LYRM4: variants seen among roughly 807,000 people sequenced by gnomAD.
The protein encoded by LYRM4 is LYR motif-containing protein 4.
Under a neutral mutation model 11.7 loss-of-function variants are expected in LYRM4, and 9 were observed. The observed-to-expected ratio is 0.77, with a 90% CI of 0.46 to 1.34. The LOEUF (loss-of-function observed/expected upper bound fraction) is 1.34. Ranked by LOEUF, LYRM4 falls within the 40% of genes most tolerant of loss-of-function variation. The pLI, the probability that LYRM4 is intolerant of heterozygous loss-of-function variation, is 0.00. For synonymous variants in LYRM4, 42 were observed against 40.4 expected (o/e 1.04, Z -0.15); for missense variants, 133 against 112.5 (o/e 1.18, Z -0.82).
intron 2 of LYRM4, chr6:5,186,574 T>TA (rs1760406593): frequency 1.0e-6 from 1 of 977,124 alleles, no homozygotes; most frequent in South Asian, 4.7e-5. Flanking sequence ...ACTAAACATT[T>TA]AAAAAATCTA....
At chr6:5,212,528 T>C (rs1010907584) in intron 2 of LYRM4, among the ~76,000 whole-genome samples, 2 of 152,220 alleles carry the variant, frequency 1.3e-5, no homozygotes, top group Admixed American at 6.5e-5. Context: ...ATAAAAGGCC[T>C]CTCAAATCTT....
intron 2 of LYRM4, among the ~76,000 whole-genome samples, chr6:5,182,557 G>C (rs1760138873): frequency 6.6e-6 from 1 of 152,174 alleles, no homozygotes; most frequent in Non-Finnish European, 1.5e-5. Context: ...AAGCCCTCTA[G>C]ATATTGAAAA....
chr6:5,039,776 G>A, the LYRM4 span, among the ~76,000 whole-genome samples: 2 of 151,992 alleles, frequency 1.3e-5, no homozygotes, highest in Admixed American at 6.6e-5. Flanking sequence ...TAAATGAGGT[G>A]AAAAGGACCA....
At chr6:5,055,859 C>T in the LYRM4 span, among the ~76,000 whole-genome samples, 9 of 152,198 alleles carry the variant, frequency 5.9e-5, no homozygotes, top group South Asian at 2.1e-4. This position sits in a 1 kb window ranked among gnomAD's most constrained non-coding sequence, Gnocchi z 4.5. Context: ...TTAAAAACCA[C>T]GTGCACCCTG....
At chr6:5,090,038 A>ACACACC in the LYRM4 span, among the ~76,000 whole-genome samples, 1,852 of 140,948 alleles carry the variant, frequency 0.013, 12 homozygotes, top group Middle Eastern at 0.026. This position sits in a 1 kb window ranked among gnomAD's most constrained non-coding sequence, Gnocchi z 4.8. Flanking sequence ...ACACACACAC[A>ACACACC]CACCACACAC....
chr6:5,178,596 C>T (rs988807821), intron 2 of LYRM4, among the ~76,000 whole-genome samples: 1 of 151,412 alleles, frequency 6.6e-6, no homozygotes, highest in Non-Finnish European at 1.5e-5. Context: ...GGTGGATTAG[C>T]TGAGGTCAGG....
the LYRM4 span, chr6:5,086,106 C>A: frequency 6.8e-7 from 1 of 1,462,026 alleles, no homozygotes; most frequent in Non-Finnish European, 9.0e-7. Flanking sequence ...CGGGGCCGAG[C>A]GCCGCGGCCG....
At chr6:5,106,088 C>T (rs11753298), downstream of LYRM4, 7,913 of 152,392 alleles carry the variant, frequency 0.052, 323 homozygotes, top group Non-Finnish European at 0.074. Flanking sequence ...GTAAATATCC[C>T]CTGGGGAGCC....
chr6:5,188,542 A>G (rs994091013), intron 2 of LYRM4, among the ~76,000 whole-genome samples: 4 of 152,218 alleles, frequency 2.6e-5, no homozygotes, highest in Admixed American at 6.5e-5. Context: ...TGATCATAAT[A>G]ATCATATCAA....
At chr6:5,253,771 C>T (rs182803627) in intron 1 of LYRM4, among the ~76,000 whole-genome samples, 11 of 150,430 alleles carry the variant, frequency 7.3e-5, no homozygotes, top group East Asian at 3.9e-4. Flanking sequence ...ATTCGATGGT[C>T]GTTCGATCTG....
chr6:5,077,191 C>T, the LYRM4 span, among the ~76,000 whole-genome samples: 1 of 152,216 alleles, frequency 6.6e-6, no homozygotes, highest in African/African-American at 2.4e-5. Context: ...GCCACGCCGT[C>T]TACTCCACCA....
At chr6:5,066,364 T>C in the LYRM4 span, 1 of 726,922 alleles carries the variant, frequency 1.4e-6, no homozygotes, top group Non-Finnish European at 2.6e-6. Flanking sequence ...CATATGCAGG[T>C]TTCCAAAGTG....
At chr6:5,077,561 T>C in the LYRM4 span, among the ~76,000 whole-genome samples, 7 of 152,172 alleles carry the variant, frequency 4.6e-5, no homozygotes, top group African/African-American at 1.4e-4. Flanking sequence ...ATGATGAGTA[T>C]TTACAGTCAT....
chr6:5,043,312 C>A, the LYRM4 span: 1 of 151,972 alleles, frequency 6.6e-6, no homozygotes, highest in Non-Finnish European at 1.5e-5. Flanking sequence ...TTGGTAGAGA[C>A]CCTGGAAATT....
the LYRM4 span, among the ~76,000 whole-genome samples, chr6:5,074,082 C>G: frequency 6.6e-6 from 1 of 152,234 alleles, no homozygotes. Context: ...TTATTTGTCC[C>G]TAATTCACCT....
At chr6:5,175,881 C>G (rs1441441741) in intron 2 of LYRM4, among the ~76,000 whole-genome samples, 1 of 152,126 alleles carries the variant, frequency 6.6e-6, no homozygotes, top group Non-Finnish European at 1.5e-5. Flanking sequence ...ACATTCTGCT[C>G]TACAGCTGCT....
chr6:5,191,754 G>GA (rs1760767889), intron 2 of LYRM4, among the ~76,000 whole-genome samples: 2 of 152,144 alleles, frequency 1.3e-5, no homozygotes, highest in African/African-American at 4.8e-5. Context: ...TAATTACAAA[G>GA]AAAAACAGTA....
intron 2 of LYRM4, among the ~76,000 whole-genome samples, chr6:5,113,858 T>C (rs1297837008): frequency 2.6e-5 from 4 of 152,156 alleles, no homozygotes; most frequent in African/African-American, 9.7e-5. Flanking sequence ...TGTGCCGCCA[T>C]GCCTGGCTAA....
intron 2 of LYRM4, among the ~76,000 whole-genome samples, chr6:5,120,855 C>T (rs1035674411): frequency 3.9e-5 from 6 of 152,148 alleles, no homozygotes; most frequent in African/African-American, 1.4e-4. Context: ...TTTTACAATC[C>T]TCTTGTAAGA....
Sources: gnomAD v4.1 joint callset for allele counts (sites outside exome capture counted in the v4.1 genomes callset) on GRCh38, gnomAD v4.1.1 for gene constraint, Gnocchi (gnomAD v3.1) non-coding constraint, MANE v1.5 for transcripts, NCBI Gene and HGNC (gene_info 2026-07-23, HGNC 2026-07-21) for gene names.